The following CDX2 variants were observed in gnomAD, a reference collection of about 807,000 sequenced individuals.
The protein encoded by CDX2 is homeobox protein CDX-2.
A neutral mutation model predicts 25.5 loss-of-function variants in CDX2; 7 were observed. The observed-to-expected ratio is 0.27, with a 90% CI of 0.16 to 0.52. CDX2 has a LOEUF of 0.52. Among genes scored for constraint, CDX2 ranks in the 20% least tolerant of loss-of-function variants. CDX2 has a pLI of 0.97. For synonymous variants in CDX2, 222 were observed against 198.6 expected, an observed-to-expected ratio of 1.12 and a Z score of -0.99; for missense variants, 375 against 431.4, an observed-to-expected ratio of 0.87 and a Z score of 1.16.
chr13:27,963,810 G>A (rs577594156), intron 2 of CDX2, among the ~76,000 whole-genome samples: 1 of 152,260 alleles, frequency 6.6e-6, no homozygotes, highest in Admixed American at 6.5e-5. Flanking sequence ...GTGGCTTCCT[G>A]GCTGTGAAGT....
At position 27,968,747 on chromosome 13, in the gene CDX2, G is replaced by C. The variant is rs1200799851; in HGVS notation, c.260C>G (p.Ala87Gly). ...GCCGTGAGCCACGGCGTTGGCGGCG[G>C]CCGCGGCGCCTCCGGGCGCGTAGCC... ...WNGYAPGGAA[A>G]AANAVAHGLN... Residue 87 changes from alanine to glycine, a missense_variant, in exon 1 of 3, where the codon GCC becomes GGC. This residue lies in a region of CDX2 where 253 missense variants were observed against 247.5 expected (regional missense o/e 1.02). Coordinates refer to ENST00000381020, the MANE Select transcript of CDX2 (RefSeq NM_001265.6). 1 of 1,504,006 alleles carries C rather than the reference G, an allele frequency of 6.6e-7. No homozygotes were observed. Among genetic ancestry groups the C allele is most frequent in the Non-Finnish European group, 8.8e-7 (1 of 1,134,140 alleles). 93.2% of individuals were successfully genotyped at this position (1,504,006 alleles called of 1,614,324 possible).
chr13:27,965,872 T>C (rs952926819), intron 1 of CDX2, among the ~76,000 whole-genome samples: 2 of 152,240 alleles, frequency 1.3e-5, no homozygotes, highest in Non-Finnish European at 2.9e-5. Context: ...GGCAGAGCCC[T>C]GGCCAGAAGC....
Position 27,968,734 on chromosome 13 carries a change from G to A in CDX2, c.273C>T (p.Ala91=), listed in dbSNP as rs375335076. The A allele has an allele frequency of 2.0e-6, 3 of 1,510,852 alleles. No individual in the cohort carries two copies. Among genetic ancestry groups the A allele is most frequent in the Middle Eastern group, 1.8e-4 (1 of 5,542 alleles). The allele number at this position is 1,510,852 out of a possible 1,614,324, so 93.6% of individuals were successfully genotyped here. A position where few individuals can be genotyped will look rare whatever the true frequency, so the allele number is the denominator to read the frequency against. ...APGGAAAAAN[A]VAHGLNGGSP... Reference sequence around the variant, plus strand: ...AGCCACCGTTGAGGCCGTGAGCCACGGCGTTGGCGGCGGCCGCGGCGCCTC... The same window carrying A: ...AGCCACCGTTGAGGCCGTGAGCCACAGCGTTGGCGGCGGCCGCGGCGCCTC... The change falls in exon 1 of 3, where the codon GCC becomes GCT. Residue 91 remains alanine (A), a synonymous_variant. Transcript: ENST00000381020.
intron 1 of CDX2, 78 bp downstream of exon 1, chr13:27,968,388 G>A (rs1050756546): frequency 1.5e-6 from 2 of 1,373,198 alleles, no homozygotes; most frequent in Non-Finnish European, 1.9e-6. Context: ...GTGCGCACTG[G>A]ACGCGCGACG....
rs775392059 is a variant in CDX2, at chr13:27,963,289, CTGCTGCTGCTGT to C, written c.756_767del (p.Gln253_Gln256del). 11 of 1,610,892 alleles carry C rather than the reference CTGCTGCTGCTGT, an allele frequency of 6.8e-6. No individual in the cohort carries two copies. Among genetic ancestry groups the C allele is most frequent in the Non-Finnish European group, 9.3e-6 (11 of 1,177,076 alleles). On this transcript the variant is annotated inframe_deletion, in exon 3 of 3. Coordinates refer to ENST00000381020, the MANE Select transcript of CDX2 (RefSeq NM_001265.6). ...GTGGCGGCGGAGGCGGCTGTGGTGG[CTGCTGCTGCTGT>C]TGCTGCTGCAACTTCTTCTTGTTGA...
Position 27,969,017 on chromosome 13 carries a change from G to A in CDX2, c.-11C>T, listed in dbSNP as rs1234589513. On this transcript the variant is annotated 5_prime_UTR_variant, in exon 1 of 3. Coordinates refer to ENST00000381020, the MANE Select transcript of CDX2 (RefSeq NM_001265.6). ...GTAGCTCACGTACATGGTGGCGAGG[G>A]TCCGGGAGCAGACCTCACCATGCTG... 1.3e-6 allele frequency: 2 copies of A among 1,588,400 alleles called. No homozygotes were observed. Among genetic ancestry groups the A allele is most frequent in the Non-Finnish European group, 8.5e-7 (1 of 1,172,960 alleles).
At chr13:27,963,471 G>C in intron 2 of CDX2, 102 bp from the exon 3 acceptor site, 1 of 987,548 alleles carries the variant, frequency 1.0e-6, no homozygotes, top group Non-Finnish European at 1.5e-6. Context: ...TCCAGCTACA[G>C]AACTCCAAGT....
In CDX2 at chr13:27,967,603, C is replaced by T. The variant is rs145066021; in HGVS notation, c.541+863G>A. On this transcript the variant is annotated intron_variant, in intron 1 of 2. Transcript: ENST00000381020. ...CCCAGAGTCAATGAGCCCCACAGTC[C>T]GGCAAACCTAGGATCTTTTTCAGTT... Among the ~76,000 whole-genome samples the T allele has an allele frequency of 2.2e-3, 330 of 152,268 alleles. 1 individual carries two copies. The highest frequency in any genetic ancestry group is 7.8e-3 in the African/African-American group (324 of 41,540).
rs553358077 is a variant in CDX2 at position 27,964,548 on chromosome 13, T to G, written c.687+322A>C. ...CAGTGAGACCATCTCTGCAAAAAATTTAAACATTAGCCAGTCATGGTGGCT... is the reference window on the plus strand; with the variant it reads ...CAGTGAGACCATCTCTGCAAAAAATGTAAACATTAGCCAGTCATGGTGGCT... On this transcript the variant is annotated intron_variant, in intron 2 of 2. Transcript: ENST00000381020. The surrounding 1 kb of genome is among the most constrained non-coding windows in gnomAD (Gnocchi z 4.7). Among the ~76,000 whole-genome samples the G allele has an allele frequency of 2.6e-5, 4 of 151,830 alleles. No homozygotes were observed. The East Asian group carries it at 7.8e-4, about 29-fold the overall frequency.
Position 27,964,762 on chromosome 13 carries a change from T to C in CDX2, c.687+108A>G. ...CCAAAGACGAATGCTTGCATCCTCC[T>C]GCTTCAGTCTCTCCACAGATTTAGA... On this transcript the variant is annotated intron_variant, in intron 2 of 2. Coordinates refer to ENST00000381020, the MANE Select transcript of CDX2 (RefSeq NM_001265.6). The surrounding 1 kb of genome is among the most constrained non-coding windows in gnomAD (Gnocchi z 4.7). 1 of 949,080 alleles carries C rather than the reference T, an allele frequency of 1.1e-6. No individual in the cohort carries two copies. The highest frequency in any genetic ancestry group is 2.2e-5 in the Admixed American group (1 of 44,990). 58.8% of individuals were successfully genotyped at this position (949,080 alleles called of 1,614,324 possible). A position where few individuals can be genotyped will look rare whatever the true frequency, so the allele number is the denominator to read the frequency against.
intron 1 of CDX2, among the ~76,000 whole-genome samples, chr13:27,966,303 C>G (rs957914876): frequency 5.3e-5 from 8 of 152,222 alleles, no homozygotes; most frequent in African/African-American, 1.9e-4. Flanking sequence ...GGCTGCGGCC[C>G]CGACCCCGCG....
At chr13:27,965,649 C>G (rs570443410) in intron 1 of CDX2, among the ~76,000 whole-genome samples, 8 of 152,190 alleles carry the variant, frequency 5.3e-5, no homozygotes, top group Non-Finnish European at 1.2e-4. Flanking sequence ...CCAGGTTTGG[C>G]GTTTGGTACT....
At position 27,963,314 on chromosome 13, in the gene CDX2, T is replaced by A; in HGVS notation, c.743A>T (p.Lys248Met). 4 of 1,613,194 alleles carry A rather than the reference T, an allele frequency of 2.5e-6. No homozygotes were observed. The highest frequency in any genetic ancestry group is 2.5e-6 in the Non-Finnish European group (3 of 1,179,474). ...RAKERKINKK[K>M]LQQQQQQQPP... ...CTGCTGCTGCTGTTGCTGCTGCAACTTCTTCTTGTTGATTTTCCTCTCCTT... is the reference window on the plus strand; with the variant it reads ...CTGCTGCTGCTGTTGCTGCTGCAACATCTTCTTGTTGATTTTCCTCTCCTT... The change falls in exon 3 of 3, where the codon AAG becomes ATG. Residue 248 changes from lysine (K) to methionine (M), a missense_variant. This residue lies in a region of CDX2 where 64 missense variants were observed against 124.6 expected (regional missense o/e 0.51). Coordinates refer to ENST00000381020, the MANE Select transcript of CDX2 (RefSeq NM_001265.6).
rs1458027587 is a variant in CDX2, at chr13:27,968,732, A to G, written c.275T>C (p.Val92Ala). Reference sequence around the variant, plus strand: ...GGAGCCACCGTTGAGGCCGTGAGCCACGGCGTTGGCGGCGGCCGCGGCGCC... The same window carrying G: ...GGAGCCACCGTTGAGGCCGTGAGCCGCGGCGTTGGCGGCGGCCGCGGCGCC... The part of the protein sequence containing the change: ...PGGAAAAANA[V>A]AHGLNGGSPA... Residue 92 changes from valine (V) to alanine (A), a missense_variant, in exon 1 of 3, where the codon GTG becomes GCG. This residue lies in a region of CDX2 where 253 missense variants were observed against 247.5 expected (regional missense o/e 1.02). Coordinates refer to ENST00000381020, the MANE Select transcript of CDX2 (RefSeq NM_001265.6). 1 of 1,517,760 alleles carries G rather than the reference A, an allele frequency of 6.6e-7. No individual in the cohort carries two copies. The highest frequency in any genetic ancestry group is 8.8e-7 in the Non-Finnish European group (1 of 1,138,922). The allele number at this position is 1,517,760 out of a possible 1,614,324, so 94.0% of individuals were successfully genotyped here. A position where few individuals can be genotyped will look rare whatever the true frequency, so the allele number is the denominator to read the frequency against.
Position 27,964,758 on chromosome 13 carries a change from C to G in CDX2, c.687+112G>C, listed in dbSNP as rs1869229764. The G allele has an allele frequency of 1.1e-6, 1 of 882,584 alleles. No individual in the cohort carries two copies. The highest frequency in any genetic ancestry group is 1.6e-5 in the South Asian group (1 of 64,086). 54.7% of individuals were successfully genotyped at this position (882,584 alleles called of 1,614,324 possible). A position where few individuals can be genotyped will look rare whatever the true frequency, so the allele number is the denominator to read the frequency against. On this transcript the variant is annotated intron_variant, in intron 2 of 2. Coordinates refer to ENST00000381020, the MANE Select transcript of CDX2 (RefSeq NM_001265.6). The surrounding 1 kb of genome is among the most constrained non-coding windows in gnomAD (Gnocchi z 4.7). ...GACTCCAAAGACGAATGCTTGCATC[C>G]TCCTGCTTCAGTCTCTCCACAGATT...
rs1419909496 is a variant in CDX2, at chr13:27,961,729, T to G, written c.*1386A>C. On this transcript the variant is annotated 3_prime_UTR_variant, in exon 3 of 3. Transcript: ENST00000381020. ...AATTTAATGCTCACGTTTAACTAGC[T>G]GGGTTGTGGGGCGTCCTTAGGAGGG... Among the ~76,000 whole-genome samples the G allele has an allele frequency of 6.6e-6, 1 of 152,132 alleles. No homozygotes were observed. Among genetic ancestry groups the G allele is most frequent in the Non-Finnish European group, 1.5e-5 (1 of 68,026 alleles).
chr13:27,967,355 G>A (rs1382191585), intron 1 of CDX2: 2 of 522,712 alleles, frequency 3.8e-6, no homozygotes, highest in Admixed American at 2.2e-5. Context: ...CCCAGAGACA[G>A]CCCCCAAAGG....
intron 1 of CDX2, 112 bp from the exon 2 acceptor site, chr13:27,965,127 G>A: frequency 8.9e-6 from 11 of 1,233,066 alleles, no homozygotes; most frequent in Non-Finnish European, 1.2e-5. Flanking sequence ...CACCCTGGGG[G>A]GCCCGGGTTT....
chr13:27,962,547 A>G lies in CDX2; in HGVS notation c.*568T>C. The G allele has an allele frequency of 4.3e-6, 1 of 232,766 alleles. No individual in the cohort carries two copies. Among genetic ancestry groups the G allele is most frequent in the Non-Finnish European group, 8.5e-6 (1 of 117,500 alleles). 14.4% of individuals were successfully genotyped at this position (232,766 alleles called of 1,614,324 possible). A position where few individuals can be genotyped will look rare whatever the true frequency, so the allele number is the denominator to read the frequency against. On this transcript the variant is annotated 3_prime_UTR_variant, in exon 3 of 3. Coordinates refer to ENST00000381020, the MANE Select transcript of CDX2 (RefSeq NM_001265.6). ...AAGCCTTTCCTGGTCTGGGAAGGGA[A>G]GAGAAAAAAGACGCAGGCCACCTGG...
Sources: allele counts gnomAD v4.1 joint callset (sites outside exome capture counted in the v4.1 genomes callset), GRCh38; gene constraint gnomAD v4.1.1; regional missense constraint gnomAD v4.1.1; non-coding constraint Gnocchi (gnomAD v3.1); transcripts MANE v1.5; gene names NCBI Gene and HGNC (gene_info 2026-07-23, HGNC 2026-07-21).